Variants in CACNA1E observed in about 807,000 individuals in gnomAD.
The protein encoded by CACNA1E is voltage-dependent R-type calcium channel subunit alpha-1E.
A neutral mutation model predicts 259.2 loss-of-function variants in CACNA1E; 40 were observed. That is an observed-to-expected ratio of 0.15 (90% confidence interval 0.12 to 0.20). CACNA1E has a LOEUF of 0.20. CACNA1E is among the 10% of genes least tolerant of loss of function. The pLI is 1.00. For synonymous variants in CACNA1E, 1,104 were observed against 1,138.5 expected, an observed-to-expected ratio of 0.97 and a Z score of 0.61; for missense variants, 1,874 against 3,040.1, an observed-to-expected ratio of 0.62 and a Z score of 9.02.
At chr1:181,394,022 C>T (rs1347147308) in intron 1 of CACNA1E, among the ~76,000 whole-genome samples, 2 of 152,138 alleles carry the variant, frequency 1.3e-5, no homozygotes, top group Admixed American at 6.5e-5. Context: ...AGTCTCTAGA[C>T]AGGGCCTGTA....
At chr1:181,542,053 A>G (rs1368226269) in intron 3 of CACNA1E, among the ~76,000 whole-genome samples, 1 of 152,178 alleles carries the variant, frequency 6.6e-6, no homozygotes, top group Non-Finnish European at 1.5e-5. Flanking sequence ...AGGACACTCA[A>G]GGAGCCCTAT....
chr1:181,802,738 G>A lies in CACNA1E; in HGVS notation c.*3904G>A, dbSNP rs1026329452. 5.3e-5 allele frequency: 8 copies of A among 152,206 alleles called. No homozygotes were observed. Among genetic ancestry groups the A allele is most frequent in the African/African-American group, 1.7e-4 (7 of 41,454 alleles). 9.4% of individuals were successfully genotyped at this position (152,206 alleles called of 1,614,324 possible). A position where few individuals can be genotyped will look rare whatever the true frequency, so the allele number is the denominator to read the frequency against. ...GGATAAAAGCTCACTGCAGGAAAAT[G>A]AGGTCTCCTGGCATAATGCAACAAA... On this transcript the variant is annotated 3_prime_UTR_variant, in exon 48 of 48. Coordinates refer to ENST00000367573, the MANE Select transcript of CACNA1E (RefSeq NM_001205293.3).
At chr1:181,331,317 C>A (rs984304653) in intron 1 of CACNA1E, among the ~76,000 whole-genome samples, 11 of 151,986 alleles carry the variant, frequency 7.2e-5, no homozygotes, top group African/African-American at 2.7e-4. Flanking sequence ...CTGAGAAGGC[C>A]CATCACAGGC....
At chr1:181,794,140 T>TA (rs1465198427) in intron 45 of CACNA1E, among the ~76,000 whole-genome samples, 1 of 152,234 alleles carries the variant, frequency 6.6e-6, no homozygotes, top group Non-Finnish European at 1.5e-5. Flanking sequence ...TGCAGTTACT[T>TA]ACACACACAG....
intron 1 of CACNA1E, among the ~76,000 whole-genome samples, chr1:181,397,035 C>T (rs1656726126): frequency 6.6e-6 from 1 of 152,176 alleles, no homozygotes; most frequent in Admixed American, 6.5e-5. Context: ...AAGCTGCAGA[C>T]CTGCTTTGTA....
At chr1:181,727,928 G>A (rs902004249) in intron 18 of CACNA1E, among the ~76,000 whole-genome samples, 1 of 152,068 alleles carries the variant, frequency 6.6e-6, no homozygotes, top group Non-Finnish European at 1.5e-5. Flanking sequence ...TTGAAGCGGG[G>A]GACCTCCCTC....
chr1:181,614,149 T>A (rs1655002187), intron 6 of CACNA1E, among the ~76,000 whole-genome samples: 1 of 152,240 alleles, frequency 6.6e-6, no homozygotes, highest in Non-Finnish European at 1.5e-5. Context: ...ACAAAAAGTA[T>A]AATGTTTTTG....
intron 7 of CACNA1E, among the ~76,000 whole-genome samples, chr1:181,688,685 T>C (rs937984247): frequency 1.3e-5 from 2 of 152,212 alleles, no homozygotes; most frequent in African/African-American, 4.8e-5. Context: ...CTCTCAGTAA[T>C]TGTCAAATAT....
chr1:181,773,757 C>T (rs915787963), intron 37 of CACNA1E, among the ~76,000 whole-genome samples: 1 of 152,108 alleles, frequency 6.6e-6, no homozygotes, highest in Non-Finnish European at 1.5e-5. Flanking sequence ...ATGTGGACAT[C>T]TTACTTTTAT....
intron 2 of CACNA1E, among the ~76,000 whole-genome samples, chr1:181,422,383 A>G (rs1658814549): frequency 6.6e-6 from 1 of 152,176 alleles, no homozygotes; most frequent in Non-Finnish European, 1.5e-5. Context: ...GTTACGATCT[A>G]TGTGTTCACC....
At chr1:181,422,822 A>G (rs1459205324) in intron 2 of CACNA1E, among the ~76,000 whole-genome samples, 3 of 152,322 alleles carry the variant, frequency 2.0e-5, no homozygotes, top group Admixed American at 6.5e-5. Flanking sequence ...GAATCTAACA[A>G]TAGAAGCCTG....
At chr1:181,511,554 G>A (rs1300660543) in intron 3 of CACNA1E, 44 bp downstream of exon 3, 3 of 1,605,714 alleles carry the variant, frequency 1.9e-6, no homozygotes, top group African/African-American at 2.7e-5. Context: ...GTATGAAGGG[G>A]GTTGGTATCA....
At chr1:181,628,350 T>G (rs1656394727) in intron 6 of CACNA1E, among the ~76,000 whole-genome samples, 1 of 152,230 alleles carries the variant, frequency 6.6e-6, no homozygotes, top group Admixed American at 6.5e-5. Context: ...ATAATTAAAT[T>G]ATCATTCTTC....
intron 1 of CACNA1E, among the ~76,000 whole-genome samples, chr1:181,344,861 T>C (rs1322605001): frequency 6.6e-6 from 1 of 152,256 alleles, no homozygotes; most frequent in Non-Finnish European, 1.5e-5. Context: ...GCCTCTGGTT[T>C]ACACTGGCTG....
intron 6 of CACNA1E, among the ~76,000 whole-genome samples, chr1:181,591,217 G>T (rs942685002): frequency 4.6e-5 from 7 of 152,216 alleles, no homozygotes; most frequent in African/African-American, 1.2e-4. Context: ...TCTTTGTGGA[G>T]ACCTTGGAGT....
intron 2 of CACNA1E, among the ~76,000 whole-genome samples, chr1:181,426,464 A>C (rs1270406641): frequency 7.6e-6 from 1 of 130,730 alleles, no homozygotes; most frequent in Non-Finnish European, 1.6e-5. Flanking sequence ...CCCCATCACA[A>C]CTCAACCCCT....
intron 1 of CACNA1E, among the ~76,000 whole-genome samples, chr1:181,407,452 G>T (rs956559334): frequency 6.6e-5 from 10 of 152,158 alleles, no homozygotes; most frequent in African/African-American, 2.4e-4. Flanking sequence ...AGTGTTTGAA[G>T]ACATGGTTCC....
intron 6 of CACNA1E, among the ~76,000 whole-genome samples, chr1:181,639,699 A>G (rs988055613): frequency 5.9e-5 from 9 of 152,218 alleles, no homozygotes; most frequent in Admixed American, 3.3e-4. Flanking sequence ...AGAAACAATG[A>G]ACATGATTAC....
intron 29 of CACNA1E, among the ~76,000 whole-genome samples, 196 bp from the exon 30 acceptor site, chr1:181,756,729 G>C (rs532392550): frequency 6.6e-6 from 1 of 152,170 alleles, no homozygotes; most frequent in Non-Finnish European, 1.5e-5. Flanking sequence ...AGTTGAGTGC[G>C]TGATGGAACA....
Sources: allele counts gnomAD v4.1 joint callset (sites outside exome capture counted in the v4.1 genomes callset), GRCh38; gene constraint gnomAD v4.1.1; transcripts MANE v1.5; gene names NCBI Gene and HGNC (gene_info 2026-07-23, HGNC 2026-07-21).